KHDRBS2: variants seen among roughly 807,000 people sequenced by gnomAD.
The protein encoded by KHDRBS2 is KH RNA binding domain containing, signal transduction associated 2, also known as KH domain-containing, RNA-binding, signal transduction-associated protein 2.
In KHDRBS2, 26 loss-of-function variants were observed where a neutral mutation model predicts 44.3. The ratio of observed to expected loss-of-function variants is 0.59; its 90% CI spans 0.43 to 0.81. The LOEUF is 0.81. Ranked by LOEUF, KHDRBS2 falls within the 40% of genes least tolerant of loss-of-function variation. The pLI is 0.00. For missense variants in KHDRBS2, 476 were observed against 433.1 expected, an observed-to-expected ratio of 1.10 and a Z score of -0.88; for synonymous variants, 194 against 151.1, an observed-to-expected ratio of 1.28 and a Z score of -2.08.
intron 3 of KHDRBS2, among the ~76,000 whole-genome samples, chr6:62,027,950 A>G (rs1783671271): frequency 6.6e-6 from 1 of 152,040 alleles, no homozygotes; most frequent in South Asian, 2.1e-4. Flanking sequence ...AAACCCGAGG[A>G]AGTCGTTGTA....
In KHDRBS2 at chr6:62,022,036, A is replaced by G. The variant is rs528285802; in HGVS notation, c.336+25842T>C. The stretch of plus-strand genomic sequence containing the variant: ...ATATACACACACACAAACACTATAT[A>G]TATATATATATTCTGTAGGGGAGAA... On this transcript the variant is annotated intron_variant, in intron 3 of 8. Transcript: ENST00000281156. Among the ~76,000 whole-genome samples, 27 of 150,438 alleles carry G rather than the reference A, an allele frequency of 1.8e-4. No homozygotes were observed. The South Asian group carries it at 4.2e-3, about 23-fold the overall frequency.
At chr6:61,555,383 A>G in the KHDRBS2 span, among the ~76,000 whole-genome samples, 1 of 152,142 alleles carries the variant, frequency 6.6e-6, no homozygotes, top group East Asian at 1.9e-4. Context: ...TCTGAAAATG[A>G]CCATTTCATC....
At chr6:61,683,715 CATT>C (rs1477710339) in intron 8 of KHDRBS2, among the ~76,000 whole-genome samples, 3 of 151,862 alleles carry the variant, frequency 2.0e-5, no homozygotes, top group Admixed American at 1.3e-4. Context: ...AGTGCGATCT[CATT>C]ATTAAAAAGT....
intron 3 of KHDRBS2, among the ~76,000 whole-genome samples, chr6:62,025,755 C>T (rs1484542297): frequency 3.3e-5 from 5 of 151,948 alleles, no homozygotes; most frequent in Admixed American, 2.6e-4. Flanking sequence ...TATTTTCTCG[C>T]ATATCTTTTC....
intron 7 of KHDRBS2, among the ~76,000 whole-genome samples, chr6:61,727,247 GACCCCTTCCTTAC>G (rs1773721233): frequency 6.6e-6 from 1 of 152,028 alleles, no homozygotes; most frequent in African/African-American, 2.4e-5. Flanking sequence ...ATTGAAACTG[GACCCCTTCCTTAC>G]ACCATATACA....
At chr6:62,126,945 A>C (rs1809118230) in intron 2 of KHDRBS2, among the ~76,000 whole-genome samples, 1 of 152,132 alleles carries the variant, frequency 6.6e-6, no homozygotes, top group African/African-American at 2.4e-5. Context: ...AGCTTGAGTT[A>C]TTTAGTTCTA....
At chr6:61,593,910 A>T in the KHDRBS2 span, among the ~76,000 whole-genome samples, 1 of 152,146 alleles carries the variant, frequency 6.6e-6, no homozygotes, top group Non-Finnish European at 1.5e-5. Context: ...TGGCTTTATA[A>T]AGTCAAGCTG....
intron 6 of KHDRBS2, among the ~76,000 whole-genome samples, chr6:61,817,974 ATAGAT>A (rs1789253641): frequency 6.6e-6 from 1 of 152,166 alleles, no homozygotes; most frequent in Middle Eastern, 3.4e-3. Flanking sequence ...GACAACTCCC[ATAGAT>A]TAAAGTCATT....
chr6:62,203,825 C>T (rs1045485276), intron 1 of KHDRBS2, among the ~76,000 whole-genome samples: 4 of 152,102 alleles, frequency 2.6e-5, no homozygotes, highest in Non-Finnish European at 4.4e-5. Flanking sequence ...GTTTGTCCTC[C>T]CGAACATTAT....
intron 4 of KHDRBS2, among the ~76,000 whole-genome samples, chr6:61,917,470 G>A (rs1465794633): frequency 6.6e-6 from 1 of 151,906 alleles, no homozygotes; most frequent in African/African-American, 2.4e-5. Flanking sequence ...TAATGCATCA[G>A]TGATTGACAG....
the KHDRBS2 span, among the ~76,000 whole-genome samples, chr6:61,558,073 C>A: frequency 6.6e-6 from 1 of 151,928 alleles, no homozygotes; most frequent in South Asian, 2.1e-4. Context: ...TTTTTTTAAA[C>A]AACTTTTTGT....
At chr6:62,141,679 C>G (rs1343197171) in intron 2 of KHDRBS2, among the ~76,000 whole-genome samples, 3 of 151,814 alleles carry the variant, frequency 2.0e-5, no homozygotes, top group Non-Finnish European at 4.4e-5. Context: ...ACATGCAATC[C>G]CTCTATATAG....
In KHDRBS2 at chr6:62,031,675, G is replaced by A. The variant is rs550666847; in HGVS notation, c.336+16203C>T. Reference sequence around the variant, plus strand: ...CTCTGCCTTTGGAAAGTAGGGAGAAGAAATGTGTCTTGTGGGTTGAGTGTC... The same window carrying A: ...CTCTGCCTTTGGAAAGTAGGGAGAAAAAATGTGTCTTGTGGGTTGAGTGTC... On this transcript the variant is annotated intron_variant, in intron 3 of 8. Coordinates refer to ENST00000281156, the MANE Select transcript of KHDRBS2 (RefSeq NM_152688.4). Among the ~76,000 whole-genome samples, 3 of 152,240 alleles carry A rather than the reference G, an allele frequency of 2.0e-5. No homozygotes were observed. The South Asian group carries it at 6.2e-4, about 32-fold the overall frequency.
chr6:62,078,074 TGCTG>T (rs1303372173), intron 2 of KHDRBS2, among the ~76,000 whole-genome samples: 1 of 152,088 alleles, frequency 6.6e-6, no homozygotes, highest in Non-Finnish European at 1.5e-5. Flanking sequence ...TAATAAATGT[TGCTG>T]GCTAAGAGTA....
At chr6:61,645,600 A>G in the KHDRBS2 span, among the ~76,000 whole-genome samples, 3 of 152,060 alleles carry the variant, frequency 2.0e-5, no homozygotes, top group Non-Finnish European at 4.4e-5. Flanking sequence ...TTTCAGGTTA[A>G]TATTTTCAAA....
chr6:61,896,299 A>G (rs1199276666), intron 5 of KHDRBS2, among the ~76,000 whole-genome samples: 1 of 152,196 alleles, frequency 6.6e-6, no homozygotes, highest in African/African-American at 2.4e-5. Context: ...AATAAATTAT[A>G]TGGTCACCCT....
chr6:62,088,011 C>A (rs1306105150), intron 2 of KHDRBS2, among the ~76,000 whole-genome samples: 31 of 152,106 alleles, frequency 2.0e-4, no homozygotes, highest in Non-Finnish European at 1.5e-5. Context: ...GTATGCTTCA[C>A]GAAGTTCTCA....
At chr6:61,654,962 C>T in the KHDRBS2 span, among the ~76,000 whole-genome samples, 1 of 151,652 alleles carries the variant, frequency 6.6e-6, no homozygotes, top group Non-Finnish European at 1.5e-5. Flanking sequence ...AGGGTACTTA[C>T]CCCCAAATCC....
At chr6:61,816,593 T>C (rs1018523476) in intron 6 of KHDRBS2, 5 of 448,142 alleles carry the variant, frequency 1.1e-5, no homozygotes, top group Non-Finnish European at 2.3e-5. Flanking sequence ...AAAATAAATG[T>C]CTTTTGTTTT....
Sources: gnomAD v4.1 joint callset for allele counts (sites outside exome capture counted in the v4.1 genomes callset) on GRCh38, gnomAD v4.1.1 for gene constraint, MANE v1.5 for transcripts, NCBI Gene and HGNC (gene_info 2026-07-23, HGNC 2026-07-21) for gene names.